Variants in TESK2 observed in about 807,000 individuals in gnomAD.
TESK2 encodes dual specificity testis-specific protein kinase 2.
In TESK2, 39 loss-of-function variants were observed where a neutral mutation model predicts 57.1. The observed-to-expected ratio is 0.68, with a 90% CI of 0.53 to 0.89. The LOEUF is 0.89. Ranked by LOEUF, TESK2 falls within the 40% of genes least tolerant of loss-of-function variation. The probability of loss-of-function intolerance (pLI) is 0.00; values close to 1 mark genes in which losing one functional copy is unlikely to be tolerated. For synonymous variants in TESK2, 249 were observed against 267.9 expected (o/e 0.93, Z 0.69); for missense variants, 646 against 732.1 (o/e 0.88, Z 1.36).
At chr1:45,489,130 C>T (rs1653607815) in intron 1 of TESK2, among the ~76,000 whole-genome samples, 1 of 126,078 alleles carries the variant, frequency 7.9e-6, no homozygotes, top group African/African-American at 2.7e-5. Context: ...GACCCTGACA[C>T]CAAAGAAAAA....
intron 2 of TESK2, among the ~76,000 whole-genome samples, chr1:45,423,043 C>T (rs1322873475): frequency 2.6e-5 from 4 of 151,982 alleles, no homozygotes; most frequent in Admixed American, 6.6e-5. Flanking sequence ...CCGTGCCTGG[C>T]CTGTTTTTAA....
intron 4 of TESK2, among the ~76,000 whole-genome samples, chr1:45,377,520 G>T (rs1648480041): frequency 1.3e-5 from 2 of 150,558 alleles, no homozygotes; most frequent in South Asian, 4.2e-4. Flanking sequence ...CCAGGCTCAA[G>T]TGATTCTCCT....
chr1:45,344,604 C>T lies in TESK2; in HGVS notation c.*236G>A, dbSNP rs993178748. On this transcript the variant is annotated 3_prime_UTR_variant, in exon 11 of 11. Coordinates refer to ENST00000372086, the MANE Select transcript of TESK2 (RefSeq NM_007170.3). ...GGAGAGGGTCTGGTGGGAGGCAGAC[C>T]TCCTTGCTGGATTTCAGAGGCTTGG... 2 of 530,752 alleles carry T rather than the reference C, an allele frequency of 3.8e-6. No individual in the cohort carries two copies. Among genetic ancestry groups the T allele is most frequent in the East Asian group, 6.4e-5 (2 of 31,184 alleles). 32.9% of individuals were successfully genotyped at this position (530,752 alleles called of 1,614,324 possible).
In TESK2 at chr1:45,346,730, G is replaced by A. The variant is rs780590998; in HGVS notation, c.842C>T (p.Pro281Leu). ...GAAAGTAAGTTGCAGAAAATCTGGGGGACAGTCTCCCACCATGTGCTGGAA... is the reference window on the plus strand; with the variant it reads ...GAAAGTAAGTTGCAGAAAATCTGGGAGACAGTCTCCCACCATGTGCTGGAA... ...DAFQHMVGDC[P>L]PDFLQLTFNC... The change falls in exon 9 of 11, where the codon CCC (proline) becomes CTC (leucine). Residue 281 changes from proline (P) to leucine (L), a missense_variant. Pro to Leu is a moderately conservative substitution (Grantham distance 98). Coordinates refer to ENST00000372086, the MANE Select transcript of TESK2 (RefSeq NM_007170.3). 6.2e-7 allele frequency: 1 copy of A among 1,613,910 alleles called. No individual in the cohort carries two copies. Among genetic ancestry groups the A allele is most frequent in the Non-Finnish European group, 8.5e-7 (1 of 1,179,978 alleles).
chr1:45,464,103 A>C (rs1286228197), intron 1 of TESK2, among the ~76,000 whole-genome samples: 6 of 152,138 alleles, frequency 3.9e-5, no homozygotes. Context: ...ACTGCACTGA[A>C]TCTGTAGATC....
chr1:45,427,335 A>G (rs1343470473), intron 2 of TESK2, among the ~76,000 whole-genome samples: 3 of 152,104 alleles, frequency 2.0e-5, no homozygotes, highest in African/African-American at 7.2e-5. Context: ...TATAGCCACT[A>G]TGGAGAACAG....
At chr1:45,462,613 G>A (rs1035049660) in intron 1 of TESK2, among the ~76,000 whole-genome samples, 2 of 152,126 alleles carry the variant, frequency 1.3e-5, no homozygotes, top group African/African-American at 4.8e-5. Flanking sequence ...CATTTGTGTA[G>A]GTGCCACATT....
chr1:45,399,410 G>T (rs1412049612), intron 3 of TESK2, among the ~76,000 whole-genome samples: 2 of 152,038 alleles, frequency 1.3e-5, no homozygotes, highest in Non-Finnish European at 2.9e-5. Context: ...CACCTCCCAG[G>T]TTCAAGCAAT....
Position 45,345,336 on chromosome 1 carries a change from T to TC in TESK2, c.1219dup (p.Asp407GlyfsTer11). ...AAACTTGATCTTGCCCCCCATGAGG[T>TC]CCTGGCGAGCACTAAAAGGGTTGAC... On this transcript the variant is annotated frameshift_variant, in exon 11 of 11. Transcript: ENST00000372086. LOFTEE classifies it high-confidence loss of function. 6.2e-7 allele frequency: 1 copy of TC among 1,613,918 alleles called. No individual in the cohort carries two copies.
At chr1:45,393,222 G>C (rs1484193661) in intron 3 of TESK2, among the ~76,000 whole-genome samples, 3 of 152,136 alleles carry the variant, frequency 2.0e-5, no homozygotes, top group African/African-American at 7.2e-5. Flanking sequence ...CATCTACAGA[G>C]ATGTCATAGC....
intron 2 of TESK2, among the ~76,000 whole-genome samples, chr1:45,451,928 A>G (rs1348968536): frequency 1.3e-5 from 2 of 151,230 alleles, no homozygotes; most frequent in African/African-American, 4.9e-5. Context: ...AGCTACTCAG[A>G]AGGCTGAAGC....
At chr1:45,405,829 G>A (rs976799644) in intron 3 of TESK2, among the ~76,000 whole-genome samples, 6 of 151,616 alleles carry the variant, frequency 4.0e-5, no homozygotes, top group African/African-American at 1.5e-4. Flanking sequence ...AGCCATGATG[G>A]TGTCACTGCA....
chr1:45,365,051 T>G (rs1221675601), intron 4 of TESK2, among the ~76,000 whole-genome samples: 1 of 152,194 alleles, frequency 6.6e-6, no homozygotes, highest in African/African-American at 2.4e-5. Context: ...CACCGTATGT[T>G]TGTTGGTAGG....
chr1:45,452,032 CAA>C (rs566363776), intron 2 of TESK2, among the ~76,000 whole-genome samples: 3 of 103,862 alleles, frequency 2.9e-5, no homozygotes, highest in Admixed American at 9.6e-5. Flanking sequence ...GACTCCGTCT[CAA>C]AAAAAAAAAA....
At chr1:45,410,503 G>A (rs1325490146) in intron 3 of TESK2, among the ~76,000 whole-genome samples, 3 of 152,024 alleles carry the variant, frequency 2.0e-5, no homozygotes, top group Admixed American at 1.3e-4. Flanking sequence ...TACTCGGGAG[G>A]CTGAGGCAGG....
intron 1 of TESK2, among the ~76,000 whole-genome samples, chr1:45,468,763 G>A (rs147199616): frequency 6.6e-6 from 1 of 152,208 alleles, no homozygotes; most frequent in Non-Finnish European, 1.5e-5. Flanking sequence ...ATGGGGGTGT[G>A]GGATGAGCAC....
intron 2 of TESK2, among the ~76,000 whole-genome samples, chr1:45,427,234 C>CAAA (rs111269135): frequency 1.9e-4 from 25 of 129,480 alleles, no homozygotes; most frequent in African/African-American, 6.3e-4. Flanking sequence ...GACTCTGTCT[C>CAAA]AAAAAAAAAA....
chr1:45,474,634 G>A (rs1248589793), intron 1 of TESK2, among the ~76,000 whole-genome samples: 2 of 151,596 alleles, frequency 1.3e-5, no homozygotes, highest in African/African-American at 4.8e-5. Flanking sequence ...CACCACGCTG[G>A]GCTAATTTTT....
intron 1 of TESK2, among the ~76,000 whole-genome samples, chr1:45,487,708 A>G (rs1570784576): frequency 6.6e-6 from 1 of 152,170 alleles, no homozygotes; most frequent in Non-Finnish European, 1.5e-5. Flanking sequence ...GGAATGAAAC[A>G]TATCTCCTAC....
Sources: allele counts gnomAD v4.1 joint callset (sites outside exome capture counted in the v4.1 genomes callset), GRCh38; gene constraint gnomAD v4.1.1; transcripts MANE v1.5; gene names NCBI Gene and HGNC (gene_info 2026-07-23, HGNC 2026-07-21).